The following UGT2B4 variants were observed in gnomAD, a reference collection of about 807,000 sequenced individuals.
The protein encoded by UGT2B4 is UDP glucuronosyltransferase family 2 member B4.
A neutral mutation model predicts 49.8 loss-of-function variants in UGT2B4; 49 were observed. That is an observed-to-expected ratio of 0.98 (90% confidence interval 0.78 to 1.25). UGT2B4 has a LOEUF of 1.25. UGT2B4 is among the 50% of genes most tolerant of loss of function. UGT2B4 has a pLI of 0.00. For missense variants in UGT2B4, 729 were observed against 627.7 expected (o/e 1.16, Z -1.73); for synonymous variants, 246 against 217.7 (o/e 1.13, Z -1.14).
At chr4:69,502,091 C>CTCTT (rs1157898949) in intron 1 of UGT2B4, among the ~76,000 whole-genome samples, 3,951 of 107,946 alleles carry the variant, frequency 0.037, 131 homozygotes, top group Non-Finnish European at 0.051. Flanking sequence ...TTCTTTCTCT[C>CTCTT]TCTTTCTTTC....
upstream of UGT2B4, among the ~76,000 whole-genome samples, chr4:69,496,382 C>T (rs935016949): frequency 6.6e-6 from 1 of 152,114 alleles, no homozygotes; most frequent in Non-Finnish European, 1.5e-5. Flanking sequence ...GGACTCATCA[C>T]CTGACTCATG....
chr4:69,487,946 G>T (rs1727843621), intron 3 of UGT2B4, among the ~76,000 whole-genome samples: 1 of 151,926 alleles, frequency 6.6e-6, no homozygotes, highest in South Asian at 2.1e-4. Flanking sequence ...ATGGGAAGTA[G>T]TTCACTTATA....
chr4:69,500,055 C>T (rs1728260509), upstream of UGT2B4, among the ~76,000 whole-genome samples: 1 of 152,156 alleles, frequency 6.6e-6, no homozygotes, highest in Admixed American at 6.5e-5. Context: ...CTGTGGAATA[C>T]TATGAAGACA....
At chr4:69,492,922 T>A (rs1398598213) in intron 2 of UGT2B4, among the ~76,000 whole-genome samples, 1 of 152,084 alleles carries the variant, frequency 6.6e-6, no homozygotes, top group Non-Finnish European at 1.5e-5. Flanking sequence ...CCATCGAACA[T>A]CTTGGAATCT....
chr4:69,520,056 T>A (rs1256202336), intron 1 of UGT2B4, among the ~76,000 whole-genome samples: 3 of 152,200 alleles, frequency 2.0e-5, no homozygotes, highest in Non-Finnish European at 2.9e-5. Context: ...ATAGATTTTT[T>A]AAAAACTCTA....
intron 1 of UGT2B4, among the ~76,000 whole-genome samples, chr4:69,517,399 CAGT>C (rs1728757778): frequency 6.6e-6 from 1 of 152,176 alleles, no homozygotes; most frequent in East Asian, 1.9e-4. Context: ...GACTAACAAT[CAGT>C]AGTTTTCAAT....
intron 1 of UGT2B4, among the ~76,000 whole-genome samples, chr4:69,505,898 A>T (rs192875806): frequency 6.6e-6 from 1 of 152,314 alleles, no homozygotes; most frequent in East Asian, 1.9e-4. Flanking sequence ...TTAGAAATCC[A>T]GACTAAGAAA....
At chr4:69,503,701 AC>A (rs1728401305) in intron 1 of UGT2B4, among the ~76,000 whole-genome samples, 1 of 152,006 alleles carries the variant, frequency 6.6e-6, no homozygotes, top group South Asian at 2.1e-4. Flanking sequence ...CCAGCAACCC[AC>A]CCTAATCCAA....
chr4:69,501,252 G>A (rs1368818246), intron 1 of UGT2B4, among the ~76,000 whole-genome samples: 1 of 140,070 alleles, frequency 7.1e-6, no homozygotes, highest in South Asian at 2.6e-4. Flanking sequence ...TGGGCCGGGG[G>A]CGGGTGGAAG....
intron 1 of UGT2B4, among the ~76,000 whole-genome samples, chr4:69,524,447 A>G (rs1156533143): frequency 6.6e-6 from 1 of 152,120 alleles, no homozygotes; most frequent in Non-Finnish European, 1.5e-5. Context: ...GGCACTCAGT[A>G]GACAAATAAT....
chr4:69,498,799 A>AT (rs1398713687), upstream of UGT2B4, among the ~76,000 whole-genome samples: 4 of 150,414 alleles, frequency 2.7e-5, no homozygotes, highest in African/African-American at 2.4e-5. Flanking sequence ...ATTTTATTTT[A>AT]TTTTTTCAAG....
chr4:69,491,851 T>C (rs41297367), intron 2 of UGT2B4, among the ~76,000 whole-genome samples: 28,593 of 151,984 alleles, frequency 0.19, 3,046 homozygotes, highest in Non-Finnish European at 0.25. Context: ...AGTTACCATA[T>C]AAAGCCCATA....
At position 69,493,733 on chromosome 4, in the gene UGT2B4, A is replaced by G. The variant is rs192803537; in HGVS notation, c.830T>C (p.Val277Ala). 44 of 1,611,796 alleles carry G rather than the reference A, an allele frequency of 2.7e-5. No individual in the cohort carries two copies. The African/African-American group carries it at 5.1e-4, about 19-fold the overall frequency. ...GGCAGGTTTGCAGTGGAGTCCTCCA[A>G]CGAACTCAACATTTGGTAAGAGTGG... is the stretch of plus-strand genomic sequence containing the variant. ...PHPLLPNVEF[V>A]GGLHCKPAKP... is the part of the protein sequence containing the mutation. Residue 277 changes from valine (V) to alanine (A), a missense_variant, in exon 2 of 6, where the codon GTT (valine) becomes GCT (alanine). Coordinates refer to ENST00000305107, the MANE Select transcript of UGT2B4 (RefSeq NM_021139.3).
chr4:69,509,031 T>C (rs896434455), intron 1 of UGT2B4, among the ~76,000 whole-genome samples: 4 of 152,144 alleles, frequency 2.6e-5, no homozygotes, highest in Non-Finnish European at 5.9e-5. Context: ...TCTGATTCTA[T>C]GAGTTTGACT....
chr4:69,485,848 A>G (rs149254592), intron 4 of UGT2B4, among the ~76,000 whole-genome samples: 18 of 152,246 alleles, frequency 1.2e-4, no homozygotes, highest in Non-Finnish European at 2.2e-4. Context: ...TGCAACCTCC[A>G]TCTCCTGGGT....
At chr4:69,522,419 T>C (rs986669288) in intron 1 of UGT2B4, among the ~76,000 whole-genome samples, 2 of 152,156 alleles carry the variant, frequency 1.3e-5, no homozygotes, top group Non-Finnish European at 2.9e-5. Flanking sequence ...AATTGCAATA[T>C]AGTGAACATT....
chr4:69,495,766 T>A lies in UGT2B4; in HGVS notation c.96A>T (p.Glu32Asp). The change falls in exon 1 of 6, where the codon GAA becomes GAT. Residue 32 changes from glutamate (E) to aspartate (D), a missense_variant. Physicochemically the swap from Glu to Asp is conservative, Grantham distance 45 (BLOSUM62 2). Transcript: ENST00000305107. ...TCTTTATATTCATCCAGTGGCTGAA[T>A]TCTGTGGGCCACACCAGCACCTTTC... Reference protein sequence around the residue: ...SCGKVLVWPTEFSHWMNIKTI... With the variant: ...SCGKVLVWPTDFSHWMNIKTI... 1.9e-6 allele frequency: 3 copies of A among 1,614,046 alleles called. No individual in the cohort carries two copies. Among genetic ancestry groups the A allele is most frequent in the Non-Finnish European group, 2.5e-6 (3 of 1,179,948 alleles).
intron 1 of UGT2B4, among the ~76,000 whole-genome samples, chr4:69,494,304 A>G (rs967162220): frequency 6.6e-6 from 1 of 152,144 alleles, no homozygotes; most frequent in Non-Finnish European, 1.5e-5. Context: ...TTAACTGTTG[A>G]TTATTTTGAA....
chr4:69,495,940 T>G, upstream of UGT2B4: 2 of 1,509,252 alleles, frequency 1.3e-6, no homozygotes, highest in Admixed American at 4.6e-5. Flanking sequence ...TATAAATCAG[T>G]CAAGAAGTTA....
Sources: allele counts gnomAD v4.1 joint callset (sites outside exome capture counted in the v4.1 genomes callset), GRCh38; gene constraint gnomAD v4.1.1; transcripts MANE v1.5; gene names NCBI Gene and HGNC (gene_info 2026-07-23, HGNC 2026-07-21).